The following SGCZ variants were observed in gnomAD, a reference collection of about 807,000 sequenced individuals.
SGCZ encodes sarcoglycan zeta.
Under a neutral mutation model 41.3 loss-of-function variants are expected in SGCZ, and 40 were observed. The observed-to-expected ratio is 0.97, with a 90% CI of 0.75 to 1.26. SGCZ has a LOEUF of 1.26. Among genes scored for constraint, SGCZ ranks in the 50% most tolerant of loss-of-function variants. SGCZ has a pLI of 0.00. For synonymous variants in SGCZ, 206 were observed against 137.5 expected (o/e 1.50, Z -3.49); for missense variants, 552 against 369.8 (o/e 1.49, Z -4.04).
At chr8:14,250,702 C>T (rs1002831640) in intron 3 of SGCZ, among the ~76,000 whole-genome samples, 1 of 152,086 alleles carries the variant, frequency 6.6e-6, no homozygotes, top group Non-Finnish European at 1.5e-5. Context: ...ATGCCAGAAT[C>T]GTTTGTTATT....
intron 2 of SGCZ, among the ~76,000 whole-genome samples, chr8:14,443,300 G>GA (rs1419184427): frequency 6.6e-6 from 1 of 151,148 alleles, no homozygotes; most frequent in South Asian, 2.2e-4. Flanking sequence ...CACAGAATTG[G>GA]AAAAAACGAC....
intron 5 of SGCZ, among the ~76,000 whole-genome samples, chr8:14,149,140 A>C (rs1803617849): frequency 6.6e-6 from 1 of 152,052 alleles, no homozygotes; most frequent in Non-Finnish European, 1.5e-5. Context: ...CAATGATGCC[A>C]ATTTTCACCA....
At chr8:15,145,755 T>A (rs1799019407) in intron 1 of SGCZ, among the ~76,000 whole-genome samples, 1 of 152,188 alleles carries the variant, frequency 6.6e-6, no homozygotes, top group Non-Finnish European at 1.5e-5. Context: ...TACGTGGCCC[T>A]CCATCTTCCT....
intron 1 of SGCZ, among the ~76,000 whole-genome samples, chr8:14,802,393 T>G (rs994646863): frequency 6.6e-6 from 1 of 152,222 alleles, no homozygotes; most frequent in African/African-American, 2.4e-5. Flanking sequence ...TTCTAGCATT[T>G]TGGTGACATT....
At chr8:15,162,353 C>T (rs1799534946) in intron 1 of SGCZ, among the ~76,000 whole-genome samples, 1 of 152,158 alleles carries the variant, frequency 6.6e-6, no homozygotes, top group Non-Finnish European at 1.5e-5. Context: ...CCCAAAGGAA[C>T]ATTTTATGTG....
intron 1 of SGCZ, among the ~76,000 whole-genome samples, chr8:15,002,946 T>A (rs1418925844): frequency 6.6e-6 from 1 of 152,052 alleles, no homozygotes; most frequent in East Asian, 1.9e-4. Flanking sequence ...AGTGAATACA[T>A]CTCACAAGAT....
At chr8:14,377,313 G>T (rs1263894396) in intron 2 of SGCZ, among the ~76,000 whole-genome samples, 1 of 151,996 alleles carries the variant, frequency 6.6e-6, no homozygotes, top group African/African-American at 2.4e-5. Flanking sequence ...TTGGGAGGGT[G>T]GTGTGCATGC....
chr8:14,269,944 T>C (rs868506049), intron 3 of SGCZ, among the ~76,000 whole-genome samples: 7 of 152,082 alleles, frequency 4.6e-5, no homozygotes, highest in South Asian at 2.1e-4. Context: ...GGGAGAAAAA[T>C]TTTAAACACC....
At chr8:14,518,283 G>T (rs889735903) in intron 2 of SGCZ, among the ~76,000 whole-genome samples, 2 of 151,958 alleles carry the variant, frequency 1.3e-5, no homozygotes, top group Middle Eastern at 3.2e-3. Context: ...AATCAACAAA[G>T]AAAATGACAT....
At chr8:14,474,139 C>G (rs1801292221) in intron 2 of SGCZ, among the ~76,000 whole-genome samples, 1 of 152,072 alleles carries the variant, frequency 6.6e-6, no homozygotes, top group African/African-American at 2.4e-5. Flanking sequence ...GGAAGAGTGA[C>G]TTGCAACAAC....
chr8:14,273,226 T>A (rs1585306881), intron 3 of SGCZ, among the ~76,000 whole-genome samples: 3 of 152,166 alleles, frequency 2.0e-5, no homozygotes, highest in Non-Finnish European at 2.9e-5. Context: ...AAATGTACTT[T>A]TGCATATGTT....
At chr8:14,754,244 C>T (rs898427442) in intron 1 of SGCZ, among the ~76,000 whole-genome samples, 5 of 152,124 alleles carry the variant, frequency 3.3e-5, no homozygotes, top group Admixed American at 6.5e-5. Flanking sequence ...AGATAACCCT[C>T]ATGTTCTACT....
intron 2 of SGCZ, among the ~76,000 whole-genome samples, chr8:14,372,362 C>A (rs182232326): frequency 6.6e-6 from 1 of 152,272 alleles, no homozygotes; most frequent in Admixed American, 6.5e-5. Flanking sequence ...ATCATTCATT[C>A]TTTTGTTGAA....
intron 3 of SGCZ, among the ~76,000 whole-genome samples, chr8:14,275,893 T>C (rs867432938): frequency 7.9e-5 from 12 of 152,164 alleles, no homozygotes; most frequent in Non-Finnish European, 1.2e-4. Flanking sequence ...AGGGTAAACA[T>C]AGTATCCTTT....
At chr8:14,491,948 A>G (rs780522683) in intron 2 of SGCZ, among the ~76,000 whole-genome samples, 7 of 146,574 alleles carry the variant, frequency 4.8e-5, no homozygotes, top group Non-Finnish European at 9.3e-5. Context: ...TTAGTTACTC[A>G]GAAATTGTTC....
rs994211846 is a variant in SGCZ at position 15,209,378 on chromosome 8, C to T, written c.39+28207G>A. Among the ~76,000 whole-genome samples the T allele has an allele frequency of 2.8e-5, 4 of 144,372 alleles. No individual in the cohort carries two copies. The East Asian group carries it at 8.2e-4, about 29-fold the overall frequency. 94.7% of individuals were successfully genotyped at this position (144,372 alleles called of 152,430 possible). On this transcript the variant is annotated intron_variant, in intron 1 of 7. Transcript: ENST00000382080. ...ATTAAGGCTTCCGGAATCAAAAAGA[C>T]CCATGCTCAATTTTCACATTTTATT...
chr8:14,333,801 C>T lies in SGCZ; in HGVS notation c.235-9597G>A, dbSNP rs752393292. Among the ~76,000 whole-genome samples, 6 of 151,916 alleles carry T rather than the reference C, an allele frequency of 3.9e-5. No individual in the cohort carries two copies. The South Asian group carries it at 1.0e-3, about 26-fold the overall frequency. On this transcript the variant is annotated intron_variant, in intron 2 of 7. Coordinates refer to ENST00000382080, the MANE Select transcript of SGCZ (RefSeq NM_139167.4). Reference sequence around the variant, plus strand: ...CAGGGATGAATTATTCATATTTTACCAACTCTGAAGAAAGACCATTTAAAA... The same window carrying T: ...CAGGGATGAATTATTCATATTTTACTAACTCTGAAGAAAGACCATTTAAAA...
chr8:14,589,337 C>T (rs1462509500), intron 1 of SGCZ, among the ~76,000 whole-genome samples: 1 of 101,014 alleles, frequency 9.9e-6, no homozygotes, highest in Non-Finnish European at 2.0e-5. Context: ...CAGAGTGAGA[C>T]TCCATCTCAA....
At chr8:14,117,745 C>A (rs1802569469) in intron 5 of SGCZ, among the ~76,000 whole-genome samples, 1 of 151,118 alleles carries the variant, frequency 6.6e-6, no homozygotes, top group African/African-American at 2.4e-5. Context: ...GTCCCACATC[C>A]CCTAATAGGC....
Sources: allele counts gnomAD v4.1 joint callset (sites outside exome capture counted in the v4.1 genomes callset), GRCh38; gene constraint gnomAD v4.1.1; transcripts MANE v1.5; gene names NCBI Gene and HGNC (gene_info 2026-07-23, HGNC 2026-07-21).